FOXP2: variants seen among roughly 807,000 people sequenced by gnomAD.
The protein encoded by FOXP2 is forkhead box protein P2.
In FOXP2, 12 loss-of-function variants were observed where a neutral mutation model predicts 115.8. That is an observed-to-expected ratio of 0.10 (90% CI 0.07 to 0.17). The LOEUF (loss-of-function observed/expected upper bound fraction) is 0.17, where lower values mean the gene tolerates loss of function less well. Ranked by LOEUF, FOXP2 falls within the 10% of genes least tolerant of loss-of-function variation. FOXP2 has a pLI of 1.00. For synonymous variants in FOXP2, 328 were observed against 297.7 expected (o/e 1.10, Z -1.05); for missense variants, 629 against 843.5 (o/e 0.75, Z 3.15).
chr7:114,395,621 T>A (rs1792718112), intron 2 of FOXP2, among the ~76,000 whole-genome samples: 1 of 152,114 alleles, frequency 6.6e-6, no homozygotes. Context: ...GTCAATGAGA[T>A]TTTATTAAAA....
chr7:114,587,059 C>CT (rs199926586), intron 3 of FOXP2, among the ~76,000 whole-genome samples: 13,299 of 140,634 alleles, frequency 0.095, 1,240 homozygotes, highest in African/African-American at 0.24. Flanking sequence ...TGTGCTATTT[C>CT]TTTTTTTTTT....
intron 1 of FOXP2, among the ~76,000 whole-genome samples, chr7:114,189,726 T>A (rs185299463): frequency 2.2e-4 from 33 of 152,320 alleles, no homozygotes; most frequent in Middle Eastern, 3.4e-3. Context: ...GGCAATTTTT[T>A]AAGAGAACGT....
intron 16 of FOXP2, chr7:114,668,316 A>C (rs1157986572): frequency 1.3e-5 from 2 of 152,148 alleles, no homozygotes; most frequent in Non-Finnish European, 2.9e-5. Context: ...GTGGAGAACA[A>C]GAGATGCCAA....
intron 1 of FOXP2, among the ~76,000 whole-genome samples, chr7:114,254,118 G>GC (rs1465025065): frequency 6.6e-6 from 1 of 152,060 alleles, no homozygotes; most frequent in Non-Finnish European, 1.5e-5. Context: ...TTGAATATTG[G>GC]CCCCCCACTC....
At chr7:114,329,521 GAA>G (rs1414515085) in intron 2 of FOXP2, among the ~76,000 whole-genome samples, 7 of 97,678 alleles carry the variant, frequency 7.2e-5, no homozygotes, top group Non-Finnish European at 2.1e-5. Flanking sequence ...CTCCATCTCG[GAA>G]AAAAAAAAAA....
At chr7:114,333,271 A>G (rs1797758940) in intron 2 of FOXP2, among the ~76,000 whole-genome samples, 1 of 152,202 alleles carries the variant, frequency 6.6e-6, no homozygotes, top group African/African-American at 2.4e-5. Flanking sequence ...ACCAGCTGGT[A>G]ACTTCCATTT....
intron 1 of FOXP2, among the ~76,000 whole-genome samples, chr7:114,275,257 T>C (rs897546559): frequency 1.1e-4 from 16 of 152,140 alleles, no homozygotes; most frequent in African/African-American, 3.9e-4. Context: ...TCTGTTTCTT[T>C]CCCTCTCTAT....
chr7:114,199,041 T>A (rs1793988325), intron 1 of FOXP2, among the ~76,000 whole-genome samples: 1 of 152,166 alleles, frequency 6.6e-6, no homozygotes, highest in Admixed American at 6.5e-5. Context: ...TTAGATAAGG[T>A]CTTACACTAT....
chr7:114,174,357 C>A (rs113293601), intron 1 of FOXP2, among the ~76,000 whole-genome samples: 1 of 151,878 alleles, frequency 6.6e-6, no homozygotes, highest in African/African-American at 2.4e-5. Context: ...TTATTCACCA[C>A]GTAAAGTTAT....
chr7:114,313,601 C>T (rs1186106812), intron 2 of FOXP2, among the ~76,000 whole-genome samples: 1 of 102,320 alleles, frequency 9.8e-6, no homozygotes, highest in Non-Finnish European at 1.8e-5. Flanking sequence ...AAAAATTAGC[C>T]GGGCGTAGTG....
intron 1 of FOXP2, among the ~76,000 whole-genome samples, chr7:114,226,621 G>A (rs1448281290): frequency 6.6e-6 from 1 of 152,012 alleles, no homozygotes; most frequent in African/African-American, 2.4e-5. Flanking sequence ...CAGCTTACCA[G>A]GATATTTAAT....
chr7:114,241,281 G>A (rs1030428541), intron 1 of FOXP2, among the ~76,000 whole-genome samples: 32 of 151,922 alleles, frequency 2.1e-4, no homozygotes, highest in Non-Finnish European at 2.4e-4. Flanking sequence ...GTCTCTTTTT[G>A]TATGCTCATT....
chr7:114,578,599 T>C (rs1160289397), intron 3 of FOXP2, among the ~76,000 whole-genome samples: 1 of 152,136 alleles, frequency 6.6e-6, no homozygotes, highest in East Asian at 1.9e-4. Context: ...TTTAATTCTA[T>C]GTGTCTGTCA....
chr7:114,162,337 A>T (rs1481219680), upstream of FOXP2, among the ~76,000 whole-genome samples: 1 of 152,160 alleles, frequency 6.6e-6, no homozygotes, highest in Non-Finnish European at 1.5e-5. Context: ...CATGTTAAAT[A>T]TGCTAGGATG....
At chr7:114,318,555 G>A (rs1387827155) in intron 2 of FOXP2, among the ~76,000 whole-genome samples, 1 of 151,580 alleles carries the variant, frequency 6.6e-6, no homozygotes, top group Non-Finnish European at 1.5e-5. Flanking sequence ...AAAAATTACT[G>A]TTTCAGGTAC....
rs375517965 is a variant in FOXP2 at position 114,689,950 on chromosome 7, G to C, written c.*24G>C. ...GAGAACTGACTTGTGAAACCTCAGC[G>C]TGAAGGGACATATCACTGACCTTCA... On this transcript the variant is annotated 3_prime_UTR_variant, in exon 17 of 17. Transcript: ENST00000350908. 6.2e-7 allele frequency: 1 copy of C among 1,611,752 alleles called. No individual in the cohort carries two copies.
At chr7:114,490,181 A>G (rs1207814774) in intron 2 of FOXP2, among the ~76,000 whole-genome samples, 1 of 152,168 alleles carries the variant, frequency 6.6e-6, no homozygotes, top group African/African-American at 2.4e-5. Context: ...ATGTCTTTCA[A>G]TAGATAAATA....
At chr7:114,124,761 T>C (rs888175878) in intron 1 of FOXP2, among the ~76,000 whole-genome samples, 1 of 151,966 alleles carries the variant, frequency 6.6e-6, no homozygotes, top group Non-Finnish European at 1.5e-5. Context: ...CACCTCTGTT[T>C]TCTCCACCTT....
chr7:114,420,185 A>T (rs535323323), intron 1 of FOXP2, among the ~76,000 whole-genome samples: 1 of 152,020 alleles, frequency 6.6e-6, no homozygotes, highest in East Asian at 1.9e-4. Flanking sequence ...TGCCATCACA[A>T]GAGAAGTACA....
Sources: allele counts gnomAD v4.1 joint callset (sites outside exome capture counted in the v4.1 genomes callset), GRCh38; gene constraint gnomAD v4.1.1; transcripts MANE v1.5; gene names NCBI Gene and HGNC (gene_info 2026-07-23, HGNC 2026-07-21).